The following PLBD1 variants were observed in gnomAD, a reference collection of about 807,000 sequenced individuals.
PLBD1 encodes phospholipase B domain containing 1.
In PLBD1, 60 loss-of-function variants were observed where a neutral mutation model predicts 63.0. That is an observed-to-expected ratio of 0.95 (90% CI 0.77 to 1.18). The LOEUF is 1.18. PLBD1 is among the 50% of genes most tolerant of loss of function. The pLI is 0.00. For missense variants in PLBD1, 598 were observed against 677.9 expected (o/e 0.88, Z 1.31); for synonymous variants, 262 against 248.0 (o/e 1.06, Z -0.53).
chr12:14,525,122 T>A (rs1005383592), intron 6 of PLBD1, among the ~76,000 whole-genome samples: 1 of 151,940 alleles, frequency 6.6e-6, no homozygotes, highest in African/African-American at 2.4e-5. Context: ...ATTAGCCCAG[T>A]GTAGTGGTGC....
rs571153083 is a variant in PLBD1 at position 14,563,663 on chromosome 12, A to G, written c.115+3919T>C. ...ACAGCACTTACTGCATGTCAGGCAC[A>G]GTGTTTCTCACAACAGCCCCATGAG... On this transcript the variant is annotated intron_variant, in intron 1 of 10. Coordinates refer to ENST00000240617, the MANE Select transcript of PLBD1 (RefSeq NM_024829.6). Among the ~76,000 whole-genome samples the G allele has an allele frequency of 2.0e-5, 3 of 152,364 alleles. No homozygotes were observed. In the East Asian group the frequency reaches 5.8e-4, roughly 29 times the overall value.
intron 2 of PLBD1, among the ~76,000 whole-genome samples, chr12:14,543,697 C>T (rs150540540): frequency 6.6e-6 from 1 of 152,026 alleles, no homozygotes; most frequent in Non-Finnish European, 1.5e-5. Context: ...TGCATTCCAG[C>T]CTGGGCAACA....
chr12:14,553,027 G>A (rs1050785387), intron 2 of PLBD1, among the ~76,000 whole-genome samples, 166 bp downstream of exon 2: 3 of 152,190 alleles, frequency 2.0e-5, no homozygotes, highest in African/African-American at 7.2e-5. Context: ...TGTGTCCCAT[G>A]CCTCACCCCC....
chr12:14,507,098 C>G lies in PLBD1; in HGVS notation c.1207G>C (p.Val403Leu). ...LRKGYWPSYN[V>L]PFHEKIYNWS... ...TTGTAGATTTTTTCATGGAAAGGAACATTGTAGGAGGGCCAATATCCTGAT... is the reference window on the plus strand; with the variant it reads ...TTGTAGATTTTTTCATGGAAAGGAAGATTGTAGGAGGGCCAATATCCTGAT... Residue 403 changes from valine (V) to leucine (L), a missense_variant, in exon 9 of 11, where the codon GTT becomes CTT. By Grantham distance (32) the Val-to-Leu change is conservative (BLOSUM62 1). Coordinates refer to ENST00000240617, the MANE Select transcript of PLBD1 (RefSeq NM_024829.6). 1 of 1,609,784 alleles carries G rather than the reference C, an allele frequency of 6.2e-7. No individual in the cohort carries two copies. Among genetic ancestry groups the G allele is most frequent in the Non-Finnish European group, 8.5e-7 (1 of 1,176,984 alleles).
At chr12:14,557,905 G>A (rs1366814591) in intron 1 of PLBD1, among the ~76,000 whole-genome samples, 3 of 152,004 alleles carry the variant, frequency 2.0e-5, no homozygotes, top group Non-Finnish European at 4.4e-5. Flanking sequence ...AATATAAATT[G>A]TTCTATCATA....
chr12:14,548,184 C>T (rs968112323), intron 2 of PLBD1, among the ~76,000 whole-genome samples: 16 of 151,968 alleles, frequency 1.1e-4, no homozygotes, highest in East Asian at 3.9e-4. Context: ...GGGCCAGGCA[C>T]GGTGGCTCAC....
chr12:14,512,482 TACATTTA>T (rs1353468093), intron 6 of PLBD1, among the ~76,000 whole-genome samples: 1 of 152,176 alleles, frequency 6.6e-6, no homozygotes, highest in Non-Finnish European at 1.5e-5. Context: ...GAAAAACATC[TACATTTA>T]GAAAAGTAAA....
chr12:14,504,342 G>A (rs921049863), intron 10 of PLBD1, among the ~76,000 whole-genome samples: 1 of 152,156 alleles, frequency 6.6e-6, no homozygotes, highest in Non-Finnish European at 1.5e-5. Flanking sequence ...GAGCCACCGC[G>A]CCAGGCCGCC....
intron 2 of PLBD1, among the ~76,000 whole-genome samples, chr12:14,552,318 A>G (rs947432257): frequency 6.6e-6 from 1 of 152,238 alleles, no homozygotes; most frequent in Non-Finnish European, 1.5e-5. Context: ...TCCTGATTGC[A>G]TTATTATTAA....
At chr12:14,550,738 C>T (rs541478906) in intron 2 of PLBD1, among the ~76,000 whole-genome samples, 258 of 151,986 alleles carry the variant, frequency 1.7e-3, no homozygotes, top group Middle Eastern at 0.014. Flanking sequence ...ATTAGCCAGG[C>T]GTGGTGGCTC....
intron 1 of PLBD1, among the ~76,000 whole-genome samples, chr12:14,565,831 G>C (rs1358264100): frequency 6.6e-6 from 1 of 152,192 alleles, no homozygotes; most frequent in Non-Finnish European, 1.5e-5. Context: ...AGGTAAGTAA[G>C]AATCCTTTCC....
intron 4 of PLBD1, among the ~76,000 whole-genome samples, chr12:14,540,210 A>G (rs1428159161): frequency 6.8e-6 from 1 of 147,800 alleles, no homozygotes; most frequent in Non-Finnish European, 1.5e-5. Flanking sequence ...CTGGCAAAAT[A>G]GACCAAAAGA....
Position 14,536,565 on chromosome 12 carries a change from C to G in PLBD1, c.699+5G>C. On this transcript the variant is annotated splice_donor_5th_base_variant and intron_variant, in intron 5 of 10. Transcript: ENST00000240617. ...AACAAGGCAAAAGGAGCTGCTATGT[C>G]TTACCTTGATAAGAGCGGAGCAATG... 6.2e-7 allele frequency: 1 copy of G among 1,613,946 alleles called. No homozygotes were observed. The highest frequency in any genetic ancestry group is 8.5e-7 in the Non-Finnish European group (1 of 1,179,914).
At chr12:14,527,834 A>C (rs1945428291) in intron 6 of PLBD1, among the ~76,000 whole-genome samples, 1 of 152,108 alleles carries the variant, frequency 6.6e-6, no homozygotes, top group Non-Finnish European at 1.5e-5. Context: ...AAAGAAAGTA[A>C]ACAGACAGGA....
chr12:14,507,240 T>C, intron 8 of PLBD1, 122 bp from the exon 9 acceptor site: 2 of 745,770 alleles, frequency 2.7e-6, no homozygotes, highest in Admixed American at 5.5e-5. Flanking sequence ...GGCATTTAAT[T>C]ACAAAATAAT....
chr12:14,557,914 T>C (rs1251711621), intron 1 of PLBD1, among the ~76,000 whole-genome samples: 2 of 152,086 alleles, frequency 1.3e-5, no homozygotes, highest in Admixed American at 1.3e-4. Flanking sequence ...TGTTCTATCA[T>C]AAAGACACTT....
At chr12:14,550,407 G>T (rs953364956) in intron 2 of PLBD1, among the ~76,000 whole-genome samples, 1 of 152,146 alleles carries the variant, frequency 6.6e-6, no homozygotes, top group Non-Finnish European at 1.5e-5. Context: ...TTGTTTGTTT[G>T]TTTGTTTGTT....
chr12:14,540,050 A>G (rs1175520820), intron 4 of PLBD1, among the ~76,000 whole-genome samples: 12 of 110,564 alleles, frequency 1.1e-4, no homozygotes, highest in African/African-American at 3.7e-4. Flanking sequence ...ATATATATAT[A>G]TATACACACA....
chr12:14,561,066 G>A (rs1945739659), intron 1 of PLBD1, among the ~76,000 whole-genome samples: 1 of 151,676 alleles, frequency 6.6e-6, no homozygotes, highest in South Asian at 2.1e-4. Context: ...GATTTCTACA[G>A]TGAGGTTGAG....
Sources: gnomAD v4.1 joint callset for allele counts (sites outside exome capture counted in the v4.1 genomes callset) on GRCh38, gnomAD v4.1.1 for gene constraint, MANE v1.5 for transcripts, NCBI Gene and HGNC (gene_info 2026-07-23, HGNC 2026-07-21) for gene names.